Variants in RBM47 observed in about 807,000 individuals in gnomAD.
The protein encoded by RBM47 is RNA binding motif protein 47.
Under a neutral mutation model 47.1 loss-of-function variants are expected in RBM47, and 21 were observed. The observed-to-expected ratio is 0.45, with a 90% CI of 0.32 to 0.64. The LOEUF is 0.64. Ranked by LOEUF, RBM47 falls within the 30% of genes least tolerant of loss-of-function variation. The pLI, the probability that RBM47 is intolerant of heterozygous loss-of-function variation, is 0.05. For missense variants in RBM47, 708 were observed against 870.9 expected (o/e 0.81, Z 2.35); for synonymous variants, 375 against 361.7 (o/e 1.04, Z -0.42).
intron 2 of RBM47, among the ~76,000 whole-genome samples, chr4:40,478,474 A>G (rs1366150428): frequency 1.3e-5 from 2 of 152,188 alleles, no homozygotes; most frequent in Non-Finnish European, 2.9e-5. Flanking sequence ...GTACAGACGC[A>G]AAACAGAAGC....
chr4:40,515,682 T>C (rs539623751), intron 2 of RBM47, among the ~76,000 whole-genome samples: 3 of 152,314 alleles, frequency 2.0e-5, no homozygotes, highest in East Asian at 3.9e-4. Context: ...CTGTGTGACC[T>C]TGAGGGAGTA....
At chr4:40,463,821 A>G (rs1178275708) in intron 3 of RBM47, among the ~76,000 whole-genome samples, 5 of 152,014 alleles carry the variant, frequency 3.3e-5, no homozygotes, top group Non-Finnish European at 5.9e-5. Flanking sequence ...ATCTATAAAA[A>G]TATTTCTGGT....
rs189459023 is a variant in RBM47 at position 40,600,883 on chromosome 4, G to A, written c.-240+28513C>T. ...ACCTGTAATCTCAGCTACTCAGGAG[G>A]CTGAGGGAGGAGAATCGCTTGAACC... On this transcript the variant is annotated intron_variant, in intron 1 of 6. Transcript: ENST00000295971. Among the ~76,000 whole-genome samples, 36 of 147,920 alleles carry A rather than the reference G, an allele frequency of 2.4e-4. No homozygotes were observed. In the East Asian group the frequency reaches 5.9e-3, roughly 24 times the overall value.
chr4:40,463,423 G>C (rs1717467169), intron 3 of RBM47, among the ~76,000 whole-genome samples: 1 of 152,166 alleles, frequency 6.6e-6, no homozygotes, highest in Admixed American at 6.5e-5. Flanking sequence ...ACTGCTGGTG[G>C]GAATGTATAA....
chr4:40,583,219 G>A (rs960161370), intron 1 of RBM47, among the ~76,000 whole-genome samples: 43 of 151,826 alleles, frequency 2.8e-4, no homozygotes, highest in African/African-American at 9.2e-4. Flanking sequence ...ACTTGAGTCC[G>A]AGAGTTCAAA....
intron 6 of RBM47, among the ~76,000 whole-genome samples, chr4:40,432,107 GCCTC>G (rs1454525056): frequency 1.3e-5 from 2 of 151,956 alleles, no homozygotes; most frequent in East Asian, 3.9e-4. Context: ...TCCCATCTTG[GCCTC>G]CCTATGTGCT....
intron 3 of RBM47, among the ~76,000 whole-genome samples, chr4:40,465,062 A>G (rs1478939787): frequency 1.3e-5 from 2 of 152,064 alleles, no homozygotes; most frequent in Non-Finnish European, 2.9e-5. Context: ...CTTTTATAAG[A>G]AGAAAAAAAT....
intron 2 of RBM47, among the ~76,000 whole-genome samples, chr4:40,472,469 G>A (rs1719046754): frequency 6.6e-6 from 1 of 151,370 alleles, no homozygotes; most frequent in Admixed American, 6.6e-5. Flanking sequence ...AGCTAAGGCA[G>A]GAGAATCACT....
intron 2 of RBM47, among the ~76,000 whole-genome samples, chr4:40,508,978 T>C (rs12505386): frequency 0.13 from 19,092 of 152,030 alleles, 1,306 homozygotes; most frequent in East Asian, 0.21. Flanking sequence ...CTGGCCAACA[T>C]GGTGAAACCC....
intron 2 of RBM47, among the ~76,000 whole-genome samples, chr4:40,479,915 G>A (rs555302290): frequency 4.0e-5 from 6 of 150,772 alleles, no homozygotes; most frequent in East Asian, 2.0e-4. Flanking sequence ...TAAGTGTTTC[G>A]CATATATTAA....
chr4:40,616,362 A>G (rs1265181394), intron 1 of RBM47, among the ~76,000 whole-genome samples: 1 of 122,016 alleles, frequency 8.2e-6, no homozygotes, highest in Non-Finnish European at 1.8e-5. Context: ...TCAAAAAAAA[A>G]AAAAAGAAAA....
rs1434484297 is a variant in RBM47, at chr4:40,423,351, A to C, written c.*2553T>G. On this transcript the variant is annotated 3_prime_UTR_variant, in exon 7 of 7. Coordinates refer to ENST00000295971, the MANE Select transcript of RBM47 (RefSeq NM_001098634.2). Reference sequence around the variant, plus strand: ...CTGTAAATGGAGCAAGATCTAAATAAAAGCTTTTCAAATATAAAGCAGCTA... The same window carrying C: ...CTGTAAATGGAGCAAGATCTAAATACAAGCTTTTCAAATATAAAGCAGCTA... 1 of 152,214 alleles carries C rather than the reference A, an allele frequency of 6.6e-6. No individual in the cohort carries two copies. The highest frequency in any genetic ancestry group is 1.5e-5 in the Non-Finnish European group (1 of 68,040). The allele number at this position is 152,214 out of a possible 1,614,324, so 9.4% of individuals were successfully genotyped here.
chr4:40,516,250 T>C (rs891668266), intron 2 of RBM47, among the ~76,000 whole-genome samples: 1 of 144,512 alleles, frequency 6.9e-6, no homozygotes. Flanking sequence ...GATTCTCTTT[T>C]TCTTTTCTTT....
chr4:40,571,717 T>A (rs1207273878), intron 1 of RBM47, among the ~76,000 whole-genome samples: 2 of 151,910 alleles, frequency 1.3e-5, no homozygotes, highest in Admixed American at 6.6e-5. Context: ...ATCTGAGAAA[T>A]CACCACTAAA....
At chr4:40,525,591 C>T (rs540755450) in intron 2 of RBM47, among the ~76,000 whole-genome samples, 10 of 151,094 alleles carry the variant, frequency 6.6e-5, no homozygotes, top group East Asian at 5.8e-4. Context: ...AAGCCAGGGG[C>T]GAAAGAACTT....
intron 6 of RBM47, chr4:40,427,541 GAA>G (rs35906914): frequency 6.6e-6 from 1 of 152,146 alleles, no homozygotes; most frequent in Non-Finnish European, 1.5e-5. Flanking sequence ...ATGCTTCATT[GAA>G]AAGAGATTCT....
intron 2 of RBM47, among the ~76,000 whole-genome samples, chr4:40,474,783 T>C (rs1007811237): frequency 1.3e-5 from 2 of 152,198 alleles, no homozygotes; most frequent in African/African-American, 2.4e-5. Context: ...CCCAAACTTA[T>C]CTTTTGACAC....
chr4:40,601,945 G>C lies in RBM47; in HGVS notation c.-240+27451C>G, dbSNP rs139554980. On this transcript the variant is annotated intron_variant, in intron 1 of 6. Transcript: ENST00000295971. ...GCACTTTGGGAGGCCAATGTGGGTG[G>C]AGAGCTTGAGGTTAGGAGTTTGAAA... Among the ~76,000 whole-genome samples the C allele has an allele frequency of 1.8e-3, 271 of 152,228 alleles. 2 individuals carry two copies. The highest frequency in any genetic ancestry group is 6.2e-3 in the East Asian group (32 of 5,172).
chr4:40,432,669 C>G lies in RBM47; in HGVS notation c.1524G>C (p.Ser508=), dbSNP rs759333854. The stretch of plus-strand genomic sequence containing the variant: ...ACTCTACCTGGAAAGGTGGTGGCGT[C>G]GACACAGTGGGAATGACAGCGGCTG... ...AAAAAVIPTV[S]TPPPFQGRPI... Residue 508 remains serine, a synonymous_variant, in exon 6 of 7, where the codon TCG becomes TCC. Transcript: ENST00000295971. 1 of 1,610,416 alleles carries G rather than the reference C, an allele frequency of 6.2e-7. No homozygotes were observed. Among genetic ancestry groups the G allele is most frequent in the Non-Finnish European group, 8.5e-7 (1 of 1,179,424 alleles).
Sources: gnomAD v4.1 joint callset for allele counts (sites outside exome capture counted in the v4.1 genomes callset) on GRCh38, gnomAD v4.1.1 for gene constraint, MANE v1.5 for transcripts, NCBI Gene and HGNC (gene_info 2026-07-23, HGNC 2026-07-21) for gene names.